GRID2: variants seen among roughly 807,000 people sequenced by gnomAD.
GRID2 encodes the protein glutamate ionotropic receptor delta type subunit 2.
In GRID2, 33 loss-of-function variants were observed where a neutral mutation model predicts 114.8. The ratio of observed to expected loss-of-function variants is 0.29; its 90% CI spans 0.22 to 0.38. The LOEUF (loss-of-function observed/expected upper bound fraction) is 0.38. GRID2 is among the 10% of genes least tolerant of loss of function. GRID2 has a pLI of 1.00. For missense variants in GRID2, 1,184 were observed against 1,257.7 expected, an observed-to-expected ratio of 0.94 and a Z score of 0.89; for synonymous variants, 505 against 449.9, an observed-to-expected ratio of 1.12 and a Z score of -1.55.
intron 2 of GRID2, among the ~76,000 whole-genome samples, chr4:93,021,570 AAT>A (rs1256544554): frequency 6.8e-6 from 1 of 146,000 alleles, no homozygotes; most frequent in African/African-American, 2.5e-5. Context: ...AATAATAAAT[AAT>A]ATATATTATA....
chr4:93,002,435 A>G (rs2149218485), intron 2 of GRID2, among the ~76,000 whole-genome samples: 1 of 151,660 alleles, frequency 6.6e-6, no homozygotes, highest in East Asian at 1.9e-4. Flanking sequence ...TGGGCCGATG[A>G]CTTCATTCTG....
intron 7 of GRID2, among the ~76,000 whole-genome samples, chr4:93,232,316 T>C (rs1746245156): frequency 6.6e-6 from 1 of 152,120 alleles, no homozygotes; most frequent in Non-Finnish European, 1.5e-5. Flanking sequence ...GTAAGTGAAC[T>C]AAAATGTAAT....
chr4:93,443,994 C>T (rs918987542), intron 10 of GRID2, among the ~76,000 whole-genome samples: 3 of 151,118 alleles, frequency 2.0e-5, no homozygotes, highest in Non-Finnish European at 3.0e-5. Flanking sequence ...CAGAAGACTA[C>T]GAAGATAAAA....
intron 2 of GRID2, among the ~76,000 whole-genome samples, chr4:92,728,604 C>G (rs1484869974): frequency 6.6e-6 from 1 of 151,822 alleles, no homozygotes; most frequent in Admixed American, 6.6e-5. Context: ...GTAAACTACT[C>G]TTGGAAGTAA....
At chr4:92,658,828 C>T (rs1210788677) in intron 2 of GRID2, among the ~76,000 whole-genome samples, 2 of 130,442 alleles carry the variant, frequency 1.5e-5, no homozygotes, top group Non-Finnish European at 3.4e-5. Flanking sequence ...TACACACACA[C>T]AATCACATTC....
At chr4:93,112,339 C>T (rs1732848821) in intron 4 of GRID2, 1 of 152,122 alleles carries the variant, frequency 6.6e-6, no homozygotes, top group Non-Finnish European at 1.5e-5. Context: ...CAAATCTCAT[C>T]TTGAATGGTA....
intron 9 of GRID2, among the ~76,000 whole-genome samples, chr4:93,406,769 T>C (rs916382173): frequency 2.0e-5 from 3 of 152,136 alleles, no homozygotes; most frequent in Admixed American, 6.6e-5. Flanking sequence ...TATTTCTGTG[T>C]TTTACATATT....
chr4:93,805,140 G>A (rs1233600751), intron 1 of GRID2, among the ~76,000 whole-genome samples: 1 of 152,174 alleles, frequency 6.6e-6, no homozygotes, highest in Non-Finnish European at 1.5e-5. Flanking sequence ...TCTTCACACT[G>A]CATGCTAGTC....
At chr4:92,733,106 A>AGT (rs1736411791) in intron 2 of GRID2, among the ~76,000 whole-genome samples, 1 of 150,608 alleles carries the variant, frequency 6.6e-6, no homozygotes, top group East Asian at 1.9e-4. Context: ...CTCTCTCTCC[A>AGT]GTGTGTTTAT....
At chr4:93,196,072 T>G (rs2149453171) in intron 4 of GRID2, among the ~76,000 whole-genome samples, 1 of 152,254 alleles carries the variant, frequency 6.6e-6, no homozygotes, top group African/African-American at 2.4e-5. Flanking sequence ...TTTTCAATGG[T>G]AAGAAAAGGT....
At chr4:92,735,920 A>G (rs901736737) in intron 2 of GRID2, among the ~76,000 whole-genome samples, 2 of 152,108 alleles carry the variant, frequency 1.3e-5, no homozygotes, top group African/African-American at 4.8e-5. Flanking sequence ...AATATTTCTT[A>G]AAGAAAAAGT....
intron 1 of GRID2, among the ~76,000 whole-genome samples, chr4:92,344,679 G>C (rs1209408593): frequency 2.6e-5 from 4 of 152,120 alleles, no homozygotes; most frequent in Admixed American, 2.6e-4. Context: ...AACCTCATCA[G>C]GGATGGGGCT....
At chr4:93,265,991 T>A (rs1005058763) in intron 8 of GRID2, among the ~76,000 whole-genome samples, 1 of 152,166 alleles carries the variant, frequency 6.6e-6, no homozygotes, top group East Asian at 1.9e-4. Flanking sequence ...CTGGAGCCTA[T>A]CCCTGCAGCT....
chr4:92,905,724 A>T (rs966588575), intron 2 of GRID2, among the ~76,000 whole-genome samples: 3 of 152,132 alleles, frequency 2.0e-5, no homozygotes, highest in African/African-American at 7.2e-5. Context: ...GAAAGTCTAG[A>T]ACTCACATCT....
chr4:92,600,088 A>ATATATATATATT, intron 2 of GRID2, among the ~76,000 whole-genome samples: 1 of 119,748 alleles, frequency 8.4e-6, no homozygotes, highest in African/African-American at 3.1e-5. Context: ...ATATATATAT[A>ATATATATATATT]TTTCTCAGAA....
At chr4:92,554,715 T>C (rs1726766181) in intron 1 of GRID2, among the ~76,000 whole-genome samples, 1 of 152,208 alleles carries the variant, frequency 6.6e-6, no homozygotes, top group Non-Finnish European at 1.5e-5. Context: ...TGAAAGTAGT[T>C]ATTCTAGCAG....
chr4:93,057,154 A>ATGTGTG (rs1322019462), intron 2 of GRID2, among the ~76,000 whole-genome samples: 4 of 127,360 alleles, frequency 3.1e-5, no homozygotes, highest in African/African-American at 1.3e-4. Context: ...GTGAGTGTGT[A>ATGTGTG]TGTGTGTCTG....
At chr4:92,456,261 A>T (rs1162681165) in intron 1 of GRID2, among the ~76,000 whole-genome samples, 1 of 152,114 alleles carries the variant, frequency 6.6e-6, no homozygotes, top group Admixed American at 6.6e-5. Context: ...ACTATTATAC[A>T]ATATATATTA....
rs145522702 is a variant in GRID2, at chr4:93,329,264, C to T, written c.1246-66343C>T. 5.3e-3 allele frequency among the ~76,000 whole-genome samples: 809 copies of T among 152,202 alleles called. 5 individuals carry two copies. Among genetic ancestry groups the T allele is most frequent in the African/African-American group, 0.018 (764 of 41,534 alleles). ...ATATCAAGAAAACTGGAGGCATTGA[C>T]ATTATGACTATTAGAAGACATTTGT... On this transcript the variant is annotated intron_variant, in intron 8 of 15. Transcript: ENST00000282020.
Sources: allele counts gnomAD v4.1 joint callset (sites outside exome capture counted in the v4.1 genomes callset), GRCh38; gene constraint gnomAD v4.1.1; transcripts MANE v1.5; gene names NCBI Gene and HGNC (gene_info 2026-07-23, HGNC 2026-07-21).